Variants in KRT77 observed in about 807,000 individuals in gnomAD.
KRT77 encodes the protein keratin, type II cytoskeletal 1b.
In KRT77, 44 loss-of-function variants were observed where a neutral mutation model predicts 51.5. The ratio of observed to expected loss-of-function variants is 0.85; its 90% CI spans 0.67 to 1.10. The LOEUF (loss-of-function observed/expected upper bound fraction) is 1.10. KRT77 is among the 50% of genes least tolerant of loss of function. KRT77 has a pLI of 0.00. For synonymous variants in KRT77, 293 were observed against 302.0 expected, an observed-to-expected ratio of 0.97 and a Z score of 0.31; for missense variants, 763 against 743.9, an observed-to-expected ratio of 1.03 and a Z score of -0.30.
chr12:52,696,435 C>T lies in KRT77; in HGVS notation c.759-5G>A. ...TTGTTGATTTCATCCTCATACCTGT[C>T]AGGCGAGGCAAAGGAGCACAGAAAG... On this transcript the variant is annotated splice_region_variant and splice_polypyrimidine_tract_variant and intron_variant, in intron 2 of 8. Transcript: ENST00000341809. 3 of 1,614,000 alleles carry T rather than the reference C, an allele frequency of 1.9e-6. No homozygotes were observed. The highest frequency in any genetic ancestry group is 1.7e-5 in the Admixed American group (1 of 60,026).
Position 52,697,686 on chromosome 12 carries a change from TC to T in KRT77, c.753del (p.Ser252AlafsTer20), listed in dbSNP as rs1941816605. Reference sequence around the variant, plus strand: ...TTGCCCTGCCTGGAGTCTCACTTGCTCTTGTAGTCCTCCACGACATCCTGCA... The same window carrying T: ...TTGCCCTGCCTGGAGTCTCACTTGCTTTGTAGTCCTCCACGACATCCTGCA... ...RSMQDVVEDY[K>X]SKYEDEINKR... On this transcript the variant is annotated frameshift_variant, in exon 2 of 9. Coordinates refer to ENST00000341809, the MANE Select transcript of KRT77 (RefSeq NM_175078.3). LOFTEE classifies it high-confidence loss of function. 1 of 1,610,612 alleles carries T rather than the reference TC, an allele frequency of 6.2e-7. No homozygotes were observed. The highest frequency in any genetic ancestry group is 8.5e-7 in the Non-Finnish European group (1 of 1,178,418).
chr12:52,692,989 A>C (rs1482886246), intron 5 of KRT77, 109 bp from the exon 6 acceptor site: 1 of 1,295,086 alleles, frequency 7.7e-7, no homozygotes, highest in Non-Finnish European at 1.1e-6. Flanking sequence ...CCCACCTTGC[A>C]CTGTGGTCAC....
chr12:52,696,253 A>G lies in KRT77; in HGVS notation c.819+117T>C, dbSNP rs1941793392. 6 of 915,236 alleles carry G rather than the reference A, an allele frequency of 6.6e-6. No homozygotes were observed. In the Admixed American group the frequency reaches 1.0e-4, roughly 16 times the overall value. The allele number at this position is 915,236 out of a possible 1,614,324, so 56.7% of individuals were successfully genotyped here. A position where few individuals can be genotyped will look rare whatever the true frequency, so the allele number is the denominator to read the frequency against. On this transcript the variant is annotated intron_variant, in intron 3 of 8. Coordinates refer to ENST00000341809, the MANE Select transcript of KRT77 (RefSeq NM_175078.3). ...AGGGCCCCGCATTCAGGCATCATAC[A>G]CAGCAAGCCGGCCGTAGAGGCCACC...
intron 1 of KRT77, among the ~76,000 whole-genome samples, chr12:52,701,385 C>T (rs999392326): frequency 2.0e-5 from 3 of 152,244 alleles, no homozygotes; most frequent in African/African-American, 7.2e-5. Context: ...TCTCACCCTC[C>T]TCCGCCCGCT....
At chr12:52,692,388 C>T (rs1941724099) in intron 7 of KRT77, 33 bp downstream of exon 7, 3 of 1,610,594 alleles carry the variant, frequency 1.9e-6, no homozygotes, top group Middle Eastern at 1.7e-4. Flanking sequence ...GCATCTCAAG[C>T]CTTAGCCCCA....
rs145632679 is a variant in KRT77 at position 52,700,877 on chromosome 12, T to C, written c.543+2015A>G. 1.8e-3 allele frequency among the ~76,000 whole-genome samples: 274 copies of C among 152,248 alleles called. 2 individuals carry two copies. Among genetic ancestry groups the C allele is most frequent in the African/African-American group, 6.0e-3 (251 of 41,524 alleles). On this transcript the variant is annotated intron_variant, in intron 1 of 8. Coordinates refer to ENST00000341809, the MANE Select transcript of KRT77 (RefSeq NM_175078.3). ...GATGGCTCTGCTGTGGTGTCAAGTA[T>C]AGGCTATACAGGGTCAAGGGTGAAA...
At chr12:52,696,204 AT>A (rs1941792700) in intron 3 of KRT77, among the ~76,000 whole-genome samples, 165 bp downstream of exon 3, 1 of 152,118 alleles carries the variant, frequency 6.6e-6, no homozygotes. Context: ...CTGAAGAGTC[AT>A]TATCAGTGTC....
At chr12:52,691,475 G>A (rs745429797) in intron 8 of KRT77, 36 bp from the exon 9 acceptor site, 6 of 1,521,176 alleles carry the variant, frequency 3.9e-6, no homozygotes, top group Admixed American at 4.1e-5. Flanking sequence ...GGGTCAGAGG[G>A]ACCGGGCAAG....
intron 1 of KRT77, among the ~76,000 whole-genome samples, chr12:52,701,056 C>G (rs1297065152): frequency 6.6e-6 from 1 of 152,236 alleles, no homozygotes; most frequent in African/African-American, 2.4e-5. Flanking sequence ...AGGTCTCTTG[C>G]ACCCTAGCCT....
chr12:52,697,680 A>G lies in KRT77; in HGVS notation c.758+2T>C. On this transcript the variant is annotated splice_donor_variant, in intron 2 of 8. Coordinates refer to ENST00000341809, the MANE Select transcript of KRT77 (RefSeq NM_175078.3). LOFTEE classifies it high-confidence loss of function. ...CCTGTTTTGCCCTGCCTGGAGTCTC[A>G]CTTGCTCTTGTAGTCCTCCACGACA... The G allele has an allele frequency of 2.5e-6, 4 of 1,606,016 alleles. No homozygotes were observed. Among genetic ancestry groups the G allele is most frequent in the Non-Finnish European group, 3.4e-6 (4 of 1,176,296 alleles).
chr12:52,690,201 G>T lies in KRT77; in HGVS notation c.*964C>A, dbSNP rs1941684366. 1 of 152,252 alleles carries T rather than the reference G, an allele frequency of 6.6e-6. No individual in the cohort carries two copies. Among genetic ancestry groups the T allele is most frequent in the Non-Finnish European group, 1.5e-5 (1 of 68,062 alleles). The allele number at this position is 152,252 out of a possible 1,614,324, so 9.4% of individuals were successfully genotyped here. On this transcript the variant is annotated 3_prime_UTR_variant, in exon 9 of 9. Transcript: ENST00000341809. Reference sequence around the variant, plus strand: ...AAGGGTCAGGCTTCAAAAGAATGGAGCTGTCAGGAGGAAACAGGACAGAAG... The same window carrying T: ...AAGGGTCAGGCTTCAAAAGAATGGATCTGTCAGGAGGAAACAGGACAGAAG...
Position 52,692,887 on chromosome 12 carries a change from C to A in KRT77, c.1081-7G>T. Reference sequence around the variant, plus strand: ...TGATCTGGAGCTCCTGGTACTGGGGCCAAAGGCAGCATCATAGTCAGCATG... The same window carrying A: ...TGATCTGGAGCTCCTGGTACTGGGGACAAAGGCAGCATCATAGTCAGCATG... On this transcript the variant is annotated splice_region_variant and splice_polypyrimidine_tract_variant and intron_variant, in intron 5 of 8. Transcript: ENST00000341809. The A allele has an allele frequency of 6.2e-7, 1 of 1,603,212 alleles. No individual in the cohort carries two copies. The highest frequency in any genetic ancestry group is 8.5e-7 in the Non-Finnish European group (1 of 1,171,074).
chr12:52,701,039 G>T (rs1941880415), intron 1 of KRT77, among the ~76,000 whole-genome samples: 1 of 152,194 alleles, frequency 6.6e-6, no homozygotes, highest in Non-Finnish European at 1.5e-5. Context: ...CGAAGGACAG[G>T]AGGCCCAGGT....
chr12:52,691,840 C>G, intron 8 of KRT77, 98 bp downstream of exon 8: 1 of 1,435,818 alleles, frequency 7.0e-7, no homozygotes, highest in South Asian at 1.1e-5. Context: ...GGACTGGAAG[C>G]TAAAATGCCA....
In KRT77 at chr12:52,691,336, T is replaced by C. The variant is rs1565651443; in HGVS notation, c.1566A>G (p.Gly522=). The C allele has an allele frequency of 5.0e-6, 8 of 1,598,654 alleles. No individual in the cohort carries two copies. Among genetic ancestry groups the C allele is most frequent in the Non-Finnish European group, 6.8e-6 (8 of 1,173,280 alleles). ...GTGCCCCGCCTCCGCGGTAGCTTCT[T>C]CCGCCGCCATAGCCCCCACCGCTGC... is the stretch of plus-strand genomic sequence containing the variant. ...GGGSGGGYGG[G]RSYRGGGARG... Residue 522 remains glycine (G), a synonymous_variant, in exon 9 of 9, where the codon GGA becomes GGG. Coordinates refer to ENST00000341809, the MANE Select transcript of KRT77 (RefSeq NM_175078.3).
chr12:52,694,657 T>A lies in KRT77; in HGVS notation c.1049A>T (p.Lys350Met). The change falls in exon 5 of 9, where the codon AAG (lysine) becomes ATG (methionine). Residue 350 changes from lysine to methionine, a missense_variant. By Grantham distance (95) the Lys-to-Met change is moderately conservative. Transcript: ENST00000341809. ...CTGGTACAGGGCTTCGGCCTCGTCC[T>A]TGCTCCTCTGTGCAATCAGTTCATA... is the stretch of plus-strand genomic sequence containing the variant. ...TQYELIAQRSKDEAEALYQTK... is the reference protein window; with the variant it reads ...TQYELIAQRSMDEAEALYQTK... 1 of 1,611,036 alleles carries A rather than the reference T, an allele frequency of 6.2e-7. No homozygotes were observed. Among genetic ancestry groups the A allele is most frequent in the Non-Finnish European group, 8.5e-7 (1 of 1,178,036 alleles).
chr12:52,696,267 G>T, intron 3 of KRT77, 103 bp downstream of exon 3: 3 of 1,109,142 alleles, frequency 2.7e-6, no homozygotes, highest in South Asian at 1.3e-5. Flanking sequence ...CAAGCCGGCC[G>T]TAGAGGCCAC....
intron 1 of KRT77, among the ~76,000 whole-genome samples, chr12:52,698,535 G>A (rs1336286298): frequency 6.6e-6 from 1 of 152,200 alleles, no homozygotes; most frequent in African/African-American, 2.4e-5. Flanking sequence ...ACTTTGGGTT[G>A]TCAGGTGTTT....
At chr12:52,700,442 A>T (rs1373393104) in intron 1 of KRT77, among the ~76,000 whole-genome samples, 1 of 151,704 alleles carries the variant, frequency 6.6e-6, no homozygotes, top group African/African-American at 2.4e-5. Context: ...GCAAAGACCC[A>T]CAGAAGGTGA....
Sources: allele counts gnomAD v4.1 joint callset (sites outside exome capture counted in the v4.1 genomes callset), GRCh38; gene constraint gnomAD v4.1.1; transcripts MANE v1.5; gene names NCBI Gene and HGNC (gene_info 2026-07-23, HGNC 2026-07-21).